Variants in HEMK2 observed in about 807,000 individuals in gnomAD.
HEMK2 encodes the protein methyltransferase HEMK2.
the HEMK2 span, among the ~76,000 whole-genome samples, chr21:28,730,504 T>G: frequency 6.6e-6 from 1 of 152,054 alleles, no homozygotes. Context: ...AATCAAGGTG[T>G]TGGCCAGGCT....
At chr21:28,802,046 C>T in the HEMK2 span, among the ~76,000 whole-genome samples, 4 of 152,078 alleles carry the variant, frequency 2.6e-5, no homozygotes, top group Non-Finnish European at 4.4e-5. Context: ...TGTATATATA[C>T]ATGAGCAAAA....
At chr21:28,625,246 G>A in the HEMK2 span, among the ~76,000 whole-genome samples, 1 of 152,110 alleles carries the variant, frequency 6.6e-6, no homozygotes, top group East Asian at 1.9e-4. Flanking sequence ...TTAGGAGAAG[G>A]ATTATTCAAA....
the HEMK2 span, among the ~76,000 whole-genome samples, chr21:28,734,419 T>G: frequency 1.3e-5 from 2 of 152,238 alleles, no homozygotes; most frequent in African/African-American, 4.8e-5. Flanking sequence ...ATTTTTTTAA[T>G]ATTTTATTTA....
At chr21:28,620,639 T>G in the HEMK2 span, among the ~76,000 whole-genome samples, 1 of 150,164 alleles carries the variant, frequency 6.7e-6, no homozygotes, top group African/African-American at 2.4e-5. Context: ...TTATTGTGCC[T>G]ATGTGATTCT....
At chr21:28,588,366 G>T in the HEMK2 span, among the ~76,000 whole-genome samples, 1 of 152,114 alleles carries the variant, frequency 6.6e-6, no homozygotes, top group Non-Finnish European at 1.5e-5. Flanking sequence ...CATATTGATG[G>T]TTTATTCCAT....
At chr21:28,864,820 C>CAGATAGATAGATAGATAGAT in the HEMK2 span, among the ~76,000 whole-genome samples, 154 of 119,200 alleles carry the variant, frequency 1.3e-3, no homozygotes, top group East Asian at 6.5e-3. Context: ...GACAGACAGA[C>CAGATAGATAGATAGATAGAT]AGATAGATAG....
the HEMK2 span, among the ~76,000 whole-genome samples, chr21:28,757,277 C>T: frequency 6.6e-6 from 1 of 151,978 alleles, no homozygotes; most frequent in Non-Finnish European, 1.5e-5. Flanking sequence ...ATAATAAAAC[C>T]AATTGGCACA....
chr21:28,683,012 G>A, the HEMK2 span, among the ~76,000 whole-genome samples: 759 of 151,410 alleles, frequency 5.0e-3, 6 homozygotes, highest in African/African-American at 0.017. Flanking sequence ...AAACCTGCAC[G>A]TTGTGCACGT....
the HEMK2 span, among the ~76,000 whole-genome samples, chr21:28,584,173 G>C: frequency 2.8e-4 from 42 of 152,150 alleles, no homozygotes; most frequent in South Asian, 7.1e-3. Context: ...TCTCTCAAGG[G>C]AGTTCTTTTC....
chr21:28,831,964 G>T, the HEMK2 span, among the ~76,000 whole-genome samples: 1 of 152,184 alleles, frequency 6.6e-6, no homozygotes, highest in African/African-American at 2.4e-5. Flanking sequence ...TATCATATTT[G>T]TAGGAGGTGA....
At chr21:28,884,726 A>G in the HEMK2 span, among the ~76,000 whole-genome samples, 2 of 152,210 alleles carry the variant, frequency 1.3e-5, no homozygotes, top group Non-Finnish European at 2.9e-5. Context: ...TATGCTATTC[A>G]GTGGGTTTAA....
At chr21:28,615,486 T>C in the HEMK2 span, among the ~76,000 whole-genome samples, 89 of 151,454 alleles carry the variant, frequency 5.9e-4, no homozygotes, top group Middle Eastern at 0.01. Flanking sequence ...GAGAGGAATG[T>C]TGAGTCACAG....
the HEMK2 span, among the ~76,000 whole-genome samples, chr21:28,623,545 T>C: frequency 2.0e-5 from 3 of 152,224 alleles, no homozygotes; most frequent in African/African-American, 7.2e-5. Context: ...ATATGTTTAT[T>C]ACAGCACTGT....
the HEMK2 span, among the ~76,000 whole-genome samples, chr21:28,879,244 C>T: frequency 6.6e-6 from 1 of 151,958 alleles, no homozygotes; most frequent in South Asian, 2.1e-4. Context: ...GCCACCATGC[C>T]TGGCTAATTT....
the HEMK2 span, among the ~76,000 whole-genome samples, chr21:28,612,469 C>A: frequency 6.6e-6 from 1 of 152,152 alleles, no homozygotes; most frequent in African/African-American, 2.4e-5. Flanking sequence ...AACCCACAGC[C>A]AACATTACAC....
At chr21:28,838,961 AAAAAAAAAAAAATATATAT>A in the HEMK2 span, among the ~76,000 whole-genome samples, 2 of 71,248 alleles carry the variant, frequency 2.8e-5, no homozygotes, top group Non-Finnish European at 5.2e-5. Context: ...AAAAAAAAAA[AAAAAAAAAAAAATATATAT>A]ATATATATAT....
the HEMK2 span, among the ~76,000 whole-genome samples, chr21:28,640,193 C>T: frequency 5.3e-5 from 8 of 152,134 alleles, no homozygotes; most frequent in East Asian, 1.9e-4. Context: ...CTGAGAGTTC[C>T]GAACAGTGTG....
the HEMK2 span, among the ~76,000 whole-genome samples, chr21:28,813,035 C>A: frequency 6.6e-6 from 1 of 151,910 alleles, no homozygotes; most frequent in Non-Finnish European, 1.5e-5. Flanking sequence ...TTTTTGAAAA[C>A]CCGCACAAGA....
chr21:28,728,633 A>G, the HEMK2 span, among the ~76,000 whole-genome samples: 5 of 152,210 alleles, frequency 3.3e-5, no homozygotes, highest in South Asian at 1.0e-3. Flanking sequence ...TCCAAATGTC[A>G]TGGGCCAGCT....
Sources: allele counts gnomAD v4.1 joint callset (sites outside exome capture counted in the v4.1 genomes callset), GRCh38; gene constraint gnomAD v4.1.1; transcripts MANE v1.5; gene names NCBI Gene and HGNC (gene_info 2026-07-23, HGNC 2026-07-21).